COG7: variants seen among roughly 807,000 people sequenced by gnomAD.
COG7 encodes conserved oligomeric Golgi complex subunit 7.
COG7 carries 49 observed loss-of-function variants against 91.5 expected under a neutral mutation model. That is an observed-to-expected ratio of 0.54 (90% CI 0.43 to 0.68). The LOEUF (loss-of-function observed/expected upper bound fraction) is 0.68, where lower values mean the gene tolerates loss of function less well. Among genes scored for constraint, COG7 ranks in the 30% least tolerant of loss-of-function variants. COG7 has a pLI of 0.00. For missense variants in COG7, 895 were observed against 961.3 expected, an observed-to-expected ratio of 0.93 and a Z score of 0.91; for synonymous variants, 365 against 388.7, an observed-to-expected ratio of 0.94 and a Z score of 0.72.
At position 23,435,790 on chromosome 16, in the gene COG7, G is replaced by A. The variant is rs373187837; in HGVS notation, c.605-1072C>T. Among the ~76,000 whole-genome samples, 74 of 152,356 alleles carry A rather than the reference G, an allele frequency of 4.9e-4. 2 individuals carry two copies. Among genetic ancestry groups the A allele is most frequent in the African/African-American group, 1.2e-3 (50 of 41,588 alleles). On this transcript the variant is annotated intron_variant, in intron 4 of 16. Coordinates refer to ENST00000307149, the MANE Select transcript of COG7 (RefSeq NM_153603.4). ...AGAAGGAAATGTTGTAACAGCAACC[G>A]CTGTGGGACACCCAGCTAAGCGCTG...
intron 6 of COG7, among the ~76,000 whole-genome samples, chr16:23,425,886 G>T (rs558305929): frequency 1.1e-4 from 17 of 152,110 alleles, no homozygotes; most frequent in Non-Finnish European, 2.2e-4. Context: ...CATTCATGTG[G>T]CATTTTTTTG....
chr16:23,390,221 A>C (rs1462993305), intron 16 of COG7: 5 of 126,668 alleles, frequency 3.9e-5, no homozygotes, highest in African/African-American at 1.5e-4. Flanking sequence ...TTCTTTTCTG[A>C]GACAGAGTTT....
chr16:23,402,189 A>G (rs1056994499), intron 13 of COG7, among the ~76,000 whole-genome samples: 4 of 152,368 alleles, frequency 2.6e-5, no homozygotes, highest in African/African-American at 9.6e-5. Context: ...AAACAGCATT[A>G]TAGTATAATT....
chr16:23,424,396 TAAGCAC>T (rs1963810553), intron 7 of COG7, among the ~76,000 whole-genome samples: 3 of 151,266 alleles, frequency 2.0e-5, no homozygotes, highest in Admixed American at 2.0e-4. Context: ...CTTCAAAGGA[TAAGCAC>T]ACTTGCCTCC....
intron 8 of COG7, 181 bp from the exon 9 acceptor site, chr16:23,417,302 A>T: frequency 1.5e-6 from 1 of 658,184 alleles, no homozygotes; most frequent in East Asian, 2.7e-5. Flanking sequence ...CTAAGTCATC[A>T]GTGGGATCAT....
At chr16:23,389,545 T>G (rs929370705) in intron 16 of COG7, among the ~76,000 whole-genome samples, 18 of 152,140 alleles carry the variant, frequency 1.2e-4, no homozygotes, top group Admixed American at 9.2e-4. Flanking sequence ...TTCTGGGGAC[T>G]CCTGGGTTCC....
chr16:23,435,299 A>G (rs994925314), intron 4 of COG7, among the ~76,000 whole-genome samples: 1 of 152,090 alleles, frequency 6.6e-6, no homozygotes, highest in African/African-American at 2.4e-5. Flanking sequence ...CCCGGGAGGC[A>G]GAGGTTGCAG....
chr16:23,435,156 G>C (rs1963994847), intron 4 of COG7, among the ~76,000 whole-genome samples: 1 of 152,208 alleles, frequency 6.6e-6, no homozygotes, highest in African/African-American at 2.4e-5. Context: ...CTGAGGTCAG[G>C]AGTTCGAGAC....
At chr16:23,445,788 C>A (rs1308279756) in intron 2 of COG7, 25 bp downstream of exon 2, 2 of 1,612,856 alleles carry the variant, frequency 1.2e-6, no homozygotes, top group Middle Eastern at 1.7e-4. Flanking sequence ...CCATTTACAA[C>A]AGGAGCCAAA....
intron 7 of COG7, among the ~76,000 whole-genome samples, chr16:23,422,649 T>C (rs908825985): frequency 6.6e-6 from 1 of 152,052 alleles, no homozygotes; most frequent in African/African-American, 2.4e-5. Flanking sequence ...GATGAGTTTA[T>C]GGATTGTTCT....
intron 16 of COG7, chr16:23,389,976 C>G (rs1266371914): frequency 1.3e-5 from 2 of 152,190 alleles, no homozygotes; most frequent in Admixed American, 1.3e-4. Flanking sequence ...TCCACAGTTA[C>G]CACCCATCCG....
intron 11 of COG7, among the ~76,000 whole-genome samples, chr16:23,410,003 C>T (rs577684003): frequency 1.8e-3 from 279 of 152,310 alleles, no homozygotes; most frequent in Non-Finnish European, 3.1e-3. Flanking sequence ...CGGAACCAAG[C>T]CCATTCCTAA....
chr16:23,392,259 C>G (rs1192772113), intron 16 of COG7, 121 bp downstream of exon 16: 1 of 1,542,116 alleles, frequency 6.5e-7, no homozygotes, highest in Non-Finnish European at 8.7e-7. Context: ...AGCTTCAGAG[C>G]CAAATCCACA....
rs1415652949 is a variant in COG7, at chr16:23,399,869, C to A, written c.1804-1740G>T. Among the ~76,000 whole-genome samples the A allele has an allele frequency of 2.6e-5, 4 of 152,166 alleles. No homozygotes were observed. The South Asian group carries it at 8.3e-4, about 32-fold the overall frequency. ...CCCAATAAATCTCTACGTGCAGGAT[C>A]CTGGATCCTAGATCCTGACTCAAAG... On this transcript the variant is annotated intron_variant, in intron 13 of 16. Transcript: ENST00000307149.
intron 7 of COG7, among the ~76,000 whole-genome samples, chr16:23,419,775 C>T (rs1181621345): frequency 6.2e-5 from 9 of 144,744 alleles, no homozygotes; most frequent in Non-Finnish European, 1.1e-4. Flanking sequence ...AAAGAACTGC[C>T]ACAGAGAAAA....
intron 9 of COG7, chr16:23,413,815 C>T (rs1255903602): frequency 7.1e-6 from 3 of 422,546 alleles, no homozygotes; most frequent in African/African-American, 2.0e-5. Flanking sequence ...AAGGAATAAT[C>T]GTGAAGTTGA....
At chr16:23,413,694 G>T in intron 9 of COG7, 130 bp from the exon 10 acceptor site, 1 of 712,650 alleles carries the variant, frequency 1.4e-6, no homozygotes, top group South Asian at 1.5e-5. Context: ...TCCCACCGAC[G>T]AGTGAAACTG....
intron 1 of COG7, among the ~76,000 whole-genome samples, 169 bp from the exon 2 acceptor site, chr16:23,446,130 G>A (rs1452859006): frequency 6.6e-6 from 1 of 152,182 alleles, no homozygotes; most frequent in East Asian, 1.9e-4. Context: ...CAGGAGAGGA[G>A]ATGGGCAGTG....
chr16:23,444,557 A>T (rs138729143), intron 3 of COG7, among the ~76,000 whole-genome samples: 1 of 144,644 alleles, frequency 6.9e-6, no homozygotes, highest in Middle Eastern at 3.5e-3. Flanking sequence ...GTCCCTCAGC[A>T]TAGTGGTATG....
Sources: gnomAD v4.1 joint callset for allele counts (sites outside exome capture counted in the v4.1 genomes callset) on GRCh38, gnomAD v4.1.1 for gene constraint, MANE v1.5 for transcripts, NCBI Gene and HGNC (gene_info 2026-07-23, HGNC 2026-07-21) for gene names.